The following CEP112 variants were observed in gnomAD, a reference collection of about 807,000 sequenced individuals.
CEP112 encodes centrosomal protein 112, also known as centrosomal protein of 112 kDa.
CEP112 carries 127 observed loss-of-function variants against 153.0 expected under a neutral mutation model. The observed-to-expected ratio is 0.83, with a 90% CI of 0.72 to 0.96. CEP112 has a LOEUF of 0.96. CEP112 is among the 40% of genes least tolerant of loss of function. CEP112 has a pLI of 0.00. For missense variants in CEP112, 1,089 were observed against 1,101.2 expected (o/e 0.99, Z 0.16); for synonymous variants, 358 against 374.4 (o/e 0.96, Z 0.51).
At chr17:65,846,650 G>T (rs2057735276) in intron 21 of CEP112, among the ~76,000 whole-genome samples, 1 of 152,164 alleles carries the variant, frequency 6.6e-6, no homozygotes, top group Non-Finnish European at 1.5e-5. Context: ...CTCACTACAA[G>T]CTCCGCCTCC....
chr17:65,637,083 C>G (rs779167569), intron 26 of CEP112, 41 bp downstream of exon 26: 27 of 1,509,878 alleles, frequency 1.8e-5, no homozygotes, highest in Non-Finnish European at 2.5e-5. Context: ...TGACACAACA[C>G]AAACTAATCA....
chr17:66,086,489 T>C (rs1568474942), intron 8 of CEP112, among the ~76,000 whole-genome samples: 1 of 139,996 alleles, frequency 7.1e-6, no homozygotes, highest in African/African-American at 2.6e-5. Flanking sequence ...CTGCAAGGTC[T>C]GCCTCCCGGG....
chr17:65,843,063 TAA>T (rs997638153), intron 21 of CEP112, among the ~76,000 whole-genome samples: 4 of 152,130 alleles, frequency 2.6e-5, no homozygotes, highest in African/African-American at 4.8e-5. Flanking sequence ...AGTTTTTGTA[TAA>T]GACAAGATTA....
chr17:65,876,755 G>A (rs1156787611), intron 20 of CEP112, among the ~76,000 whole-genome samples: 1 of 151,680 alleles, frequency 6.6e-6, no homozygotes, highest in Non-Finnish European at 1.5e-5. Flanking sequence ...TCTGCTTGTT[G>A]TTCTGTTTTG....
chr17:65,705,429 G>A (rs1319520488), intron 23 of CEP112, among the ~76,000 whole-genome samples: 1 of 152,202 alleles, frequency 6.6e-6, no homozygotes, highest in Non-Finnish European at 1.5e-5. Flanking sequence ...ACTATTTTTT[G>A]AGTCTGTACA....
At chr17:65,663,915 G>A (rs1381255973) in intron 24 of CEP112, among the ~76,000 whole-genome samples, 2 of 152,072 alleles carry the variant, frequency 1.3e-5, no homozygotes, top group Non-Finnish European at 2.9e-5. Context: ...GCGTGGTGGC[G>A]TGCGCCTGTA....
intron 6 of CEP112, among the ~76,000 whole-genome samples, chr17:66,119,879 A>C (rs1389061075): frequency 6.6e-6 from 1 of 152,214 alleles, no homozygotes; most frequent in Non-Finnish European, 1.5e-5. Flanking sequence ...CATCCTCACC[A>C]GCATTTTGTA....
chr17:65,979,272 G>A (rs1484717057), intron 17 of CEP112, among the ~76,000 whole-genome samples: 1 of 151,638 alleles, frequency 6.6e-6, no homozygotes, highest in African/African-American at 2.4e-5. Flanking sequence ...TTGAGACAAG[G>A]TCTCACTCTG....
intron 17 of CEP112, among the ~76,000 whole-genome samples, chr17:65,993,045 A>G (rs2063654582): frequency 6.6e-6 from 1 of 152,134 alleles, no homozygotes; most frequent in Non-Finnish European, 1.5e-5. Context: ...TCACCTAGGT[A>G]TTAAGCCCAG....
At chr17:65,714,743 T>C (rs1167248002) in intron 23 of CEP112, among the ~76,000 whole-genome samples, 2 of 152,174 alleles carry the variant, frequency 1.3e-5, no homozygotes, top group African/African-American at 4.8e-5. Flanking sequence ...TCCCATATTC[T>C]GGTAAAAATA....
intron 20 of CEP112, among the ~76,000 whole-genome samples, chr17:65,871,395 G>A (rs2058665789): frequency 1.3e-5 from 2 of 152,164 alleles, no homozygotes; most frequent in South Asian, 4.1e-4. Context: ...CAGCACTTTG[G>A]GAGGTCAAGG....
At chr17:65,888,447 G>A (rs2059358649) in intron 20 of CEP112, among the ~76,000 whole-genome samples, 1 of 151,930 alleles carries the variant, frequency 6.6e-6, no homozygotes, top group Non-Finnish European at 1.5e-5. Context: ...TTCAACAAAT[G>A]AAGGAACAAA....
At chr17:65,643,461 C>T (rs917839387) in intron 24 of CEP112, among the ~76,000 whole-genome samples, 4 of 101,174 alleles carry the variant, frequency 4.0e-5, no homozygotes, top group Admixed American at 1.2e-4. Flanking sequence ...CCACACCTGG[C>T]TAATTTTTTT....
chr17:66,150,343 A>C (rs2071150462), intron 4 of CEP112, among the ~76,000 whole-genome samples: 1 of 150,504 alleles, frequency 6.6e-6, no homozygotes, highest in African/African-American at 2.4e-5. Flanking sequence ...GACTACAGAC[A>C]TGTGCCACCA....
intron 8 of CEP112, among the ~76,000 whole-genome samples, chr17:66,079,084 G>A (rs1470849559): frequency 6.6e-6 from 1 of 152,070 alleles, no homozygotes; most frequent in Non-Finnish European, 1.5e-5. Context: ...AGTAAGAATG[G>A]CTATTACTAA....
intron 24 of CEP112, among the ~76,000 whole-genome samples, chr17:65,656,493 T>C (rs1261694847): frequency 6.6e-6 from 1 of 152,144 alleles, no homozygotes; most frequent in Non-Finnish European, 1.5e-5. Context: ...AGACCAGGGG[T>C]CAACAAACTT....
intron 24 of CEP112, 153 bp downstream of exon 24, chr17:65,688,976 C>T: frequency 1.9e-6 from 1 of 532,164 alleles, no homozygotes; most frequent in Non-Finnish European, 3.4e-6. Context: ...CCATGTTGGC[C>T]AGGCTAGTCT....
At chr17:66,170,233 A>T (rs117618216) in intron 4 of CEP112, among the ~76,000 whole-genome samples, 5,181 of 152,276 alleles carry the variant, frequency 0.034, 132 homozygotes, top group Middle Eastern at 0.061. Context: ...TATGAACACC[A>T]GAAGGAGGAT....
chr17:66,183,190 T>C lies in CEP112; in HGVS notation c.106+4A>G. On this transcript the variant is annotated splice_donor_region_variant and intron_variant, in intron 2 of 26. Coordinates refer to ENST00000535342, the MANE Select transcript of CEP112 (RefSeq NM_001199165.4). ...AAGAATCTAATCTTCAAACATAATC[T>C]TACCTGTCCTATGAGGTAATTTTAG... 6.4e-7 allele frequency: 1 copy of C among 1,552,272 alleles called. No individual in the cohort carries two copies. The highest frequency in any genetic ancestry group is 8.7e-7 in the Non-Finnish European group (1 of 1,143,076).
Sources: gnomAD v4.1 joint callset for allele counts (sites outside exome capture counted in the v4.1 genomes callset) on GRCh38, gnomAD v4.1.1 for gene constraint, MANE v1.5 for transcripts, NCBI Gene and HGNC (gene_info 2026-07-23, HGNC 2026-07-21) for gene names.